AJAP1: variants seen among roughly 807,000 people sequenced by gnomAD.
The protein encoded by AJAP1 is adherens junction-associated protein 1.
A neutral mutation model predicts 35.0 loss-of-function variants in AJAP1; 5 were observed. The observed-to-expected ratio is 0.14, with a 90% CI of 0.07 to 0.30. AJAP1 has a LOEUF of 0.30. Among genes scored for constraint, AJAP1 ranks in the 10% least tolerant of loss-of-function variants. AJAP1 has a pLI of 1.00. For synonymous variants in AJAP1, 284 were observed against 249.3 expected (o/e 1.14, Z -1.31); for missense variants, 586 against 571.0 (o/e 1.03, Z -0.27).
At chr1:4,675,815 G>A (rs904304423) in intron 1 of AJAP1, among the ~76,000 whole-genome samples, 8 of 152,348 alleles carry the variant, frequency 5.3e-5, no homozygotes, top group Admixed American at 2.6e-4. Flanking sequence ...GTGTAGCCCA[G>A]GCCAGTTAAA....
intron 2 of AJAP1, among the ~76,000 whole-genome samples, chr1:4,741,458 G>A (rs997294667): frequency 6.6e-6 from 1 of 152,280 alleles, no homozygotes; most frequent in African/African-American, 2.4e-5. Flanking sequence ...CCCTGTGTGT[G>A]TCTGTGGGTC....
chr1:4,681,135 C>A (rs1029693721), intron 1 of AJAP1, among the ~76,000 whole-genome samples: 6 of 152,160 alleles, frequency 3.9e-5, no homozygotes, highest in African/African-American at 1.4e-4. Context: ...ATACAAAATC[C>A]CTTTGTCTAG....
intron 1 of AJAP1, among the ~76,000 whole-genome samples, chr1:4,667,396 T>G (rs777742083): frequency 1.3e-5 from 2 of 152,144 alleles, no homozygotes; most frequent in Non-Finnish European, 2.9e-5. Context: ...CCTTCTCACC[T>G]TACAACAGCA....
intron 2 of AJAP1, among the ~76,000 whole-genome samples, chr1:4,745,708 G>A (rs1192490105): frequency 6.6e-6 from 1 of 152,204 alleles, no homozygotes; most frequent in Non-Finnish European, 1.5e-5. Flanking sequence ...TTGGCTTTGA[G>A]TCAGAGTCAG....
rs1642238700 is a variant in AJAP1, at chr1:4,790,941, TTTTTGTTTTTG to T, written c.*8465_*8475del. 2.0e-5 allele frequency: 3 copies of T among 150,652 alleles called. No homozygotes were observed. Among genetic ancestry groups the T allele is most frequent in the Admixed American group, 6.6e-5 (1 of 15,108 alleles). 9.3% of individuals were successfully genotyped at this position (150,652 alleles called of 1,614,324 possible). ...TTTTTTGTTTTTGTTTTTGTTTTTGTTTTTGTTTTTGTTTTGTTTAATTTCCTCTTCTGGCA... is the reference window on the plus strand; with the variant it reads ...TTTTTTGTTTTTGTTTTTGTTTTTGTTTTTGTTTAATTTCCTCTTCTGGCA... On this transcript the variant is annotated 3_prime_UTR_variant, in exon 6 of 6. Coordinates refer to ENST00000378191, the MANE Select transcript of AJAP1 (RefSeq NM_018836.4).
At chr1:4,662,383 T>C (rs1531830) in intron 1 of AJAP1, among the ~76,000 whole-genome samples, 143,450 of 152,230 alleles carry the variant, frequency 0.94, 67,685 homozygotes, top group African/African-American at 0.98. Flanking sequence ...TGTCATGTTC[T>C]GAGGTGTGTC....
At chr1:4,665,884 G>GGA (rs1570086761) in intron 1 of AJAP1, among the ~76,000 whole-genome samples, 1 of 152,376 alleles carries the variant, frequency 6.6e-6, no homozygotes, top group East Asian at 1.9e-4. Context: ...AGAGGAAGAA[G>GGA]GAGATGGGGA....
rs573682419 is a variant in AJAP1 at position 4,767,701 on chromosome 1, TATC to T, written c.830-2149_830-2147del. 1.5e-3 allele frequency among the ~76,000 whole-genome samples: 94 copies of T among 63,172 alleles called. 1 individual carries two copies. The highest frequency in any genetic ancestry group is 5.2e-3 in the African/African-American group (92 of 17,566). 41.4% of individuals were successfully genotyped at this position (63,172 alleles called of 152,430 possible). ...CCATCATCATCACCATCACCATCAT[TATC>T]ATTACCATCATCACCACCATCACCA... On this transcript the variant is annotated intron_variant, in intron 2 of 5. Transcript: ENST00000378191.
At chr1:4,665,549 G>A (rs915788825) in intron 1 of AJAP1, among the ~76,000 whole-genome samples, 2 of 152,312 alleles carry the variant, frequency 1.3e-5, no homozygotes, top group Admixed American at 6.5e-5. Context: ...AACAGCATCT[G>A]TTTCTCAGGC....
intron 1 of AJAP1, among the ~76,000 whole-genome samples, chr1:4,686,988 GAC>G (rs1181860039): frequency 6.6e-6 from 1 of 152,172 alleles, no homozygotes; most frequent in Non-Finnish European, 1.5e-5. Context: ...TGCCCAAGTT[GAC>G]CAGGGCTGCC....
chr1:4,699,951 G>A lies in AJAP1; in HGVS notation c.30-11949G>A, dbSNP rs114370673. 2.1e-3 allele frequency among the ~76,000 whole-genome samples: 323 copies of A among 152,272 alleles called. 1 individual carries two copies. The highest frequency in any genetic ancestry group is 7.0e-3 in the African/African-American group (292 of 41,530). The stretch of plus-strand genomic sequence containing the variant: ...GTGGGGTATTATTTTAGTATCCTAC[G>A]CCGTCTTTTTCTCTCTGCGTGCCGT... On this transcript the variant is annotated intron_variant, in intron 1 of 5. Coordinates refer to ENST00000378191, the MANE Select transcript of AJAP1 (RefSeq NM_018836.4).
At chr1:4,747,625 T>G (rs751828383) in intron 2 of AJAP1, among the ~76,000 whole-genome samples, 3 of 152,092 alleles carry the variant, frequency 2.0e-5, no homozygotes, top group Non-Finnish European at 4.4e-5. Context: ...CATCCACACA[T>G]ATGCATGGAA....
intron 2 of AJAP1, 33 bp from the exon 3 acceptor site, chr1:4,769,820 C>T (rs201471947): frequency 9.1e-5 from 144 of 1,587,008 alleles, no homozygotes; most frequent in East Asian, 1.6e-4. Context: ...CCTGGTTTCA[C>T]GGGTGCCCTC....
At chr1:4,702,367 G>T (rs865931766) in intron 1 of AJAP1, among the ~76,000 whole-genome samples, 9 of 152,302 alleles carry the variant, frequency 5.9e-5, no homozygotes, top group African/African-American at 2.2e-4. Flanking sequence ...TCAGGTTTGG[G>T]TTAAGATTAG....
intron 1 of AJAP1, among the ~76,000 whole-genome samples, chr1:4,678,965 C>A (rs551351163): frequency 6.6e-6 from 1 of 152,322 alleles, no homozygotes; most frequent in South Asian, 2.1e-4. Flanking sequence ...AAAGACAATT[C>A]CCAGAGATGT....
chr1:4,655,502 G>A lies in AJAP1; in HGVS notation c.29+48G>A. On this transcript the variant is annotated intron_variant, in intron 1 of 5. Coordinates refer to ENST00000378191, the MANE Select transcript of AJAP1 (RefSeq NM_018836.4). The surrounding 1 kb of genome is among the most constrained non-coding windows in gnomAD (Gnocchi z 6.9). ...GGTGCGTGTGGGCGCGTGGGTGCCA[G>A]GCTGGGCGGAAGCGGCGCTTTCCTC... 1 of 1,550,828 alleles carries A rather than the reference G, an allele frequency of 6.4e-7. No individual in the cohort carries two copies. The highest frequency in any genetic ancestry group is 8.7e-7 in the Non-Finnish European group (1 of 1,146,300).
chr1:4,698,587 C>T (rs370511604), intron 1 of AJAP1, among the ~76,000 whole-genome samples: 6 of 152,198 alleles, frequency 3.9e-5, no homozygotes, highest in African/African-American at 1.2e-4. Flanking sequence ...CATTGGCCCT[C>T]TCCCACCCTC....
intron 2 of AJAP1, among the ~76,000 whole-genome samples, chr1:4,751,726 G>A (rs376919527): frequency 2.0e-5 from 3 of 152,258 alleles, no homozygotes; most frequent in African/African-American, 7.2e-5. Flanking sequence ...GATGATGGCA[G>A]TTTGTCCAGG....
At chr1:4,695,293 T>G (rs113252234) in intron 1 of AJAP1, among the ~76,000 whole-genome samples, 2 of 151,920 alleles carry the variant, frequency 1.3e-5, no homozygotes, top group Non-Finnish European at 2.9e-5. Flanking sequence ...CCGTGGTGAG[T>G]GGTGGTGGCA....
Sources: gnomAD v4.1 joint callset for allele counts (sites outside exome capture counted in the v4.1 genomes callset) on GRCh38, gnomAD v4.1.1 for gene constraint, Gnocchi (gnomAD v3.1) non-coding constraint, MANE v1.5 for transcripts, NCBI Gene and HGNC (gene_info 2026-07-23, HGNC 2026-07-21) for gene names.